EYS: variants seen among roughly 807,000 people sequenced by gnomAD.
EYS encodes EGF-like photoreceptor maintenance factor.
EYS carries 250 observed loss-of-function variants against 282.1 expected under a neutral mutation model. The ratio of observed to expected loss-of-function variants is 0.89; its 90% CI spans 0.80 to 0.98. The LOEUF is 0.98. Ranked by LOEUF, EYS falls within the 50% of genes least tolerant of loss-of-function variation. The pLI, the probability that EYS is intolerant of heterozygous loss-of-function variation, is 0.00. For missense variants in EYS, 4,016 were observed against 3,709.0 expected, an observed-to-expected ratio of 1.08 and a Z score of -2.15; for synonymous variants, 1,355 against 1,282.9, an observed-to-expected ratio of 1.06 and a Z score of -1.20.
At chr6:64,391,624 A>G (rs1773149696) in intron 28 of EYS, among the ~76,000 whole-genome samples, 1 of 152,168 alleles carries the variant, frequency 6.6e-6, no homozygotes, top group Non-Finnish European at 1.5e-5. Flanking sequence ...TCCTGAAGGA[A>G]GCGCTAAACA....
chr6:63,776,790 ACTTCATATG>A (rs1426236952), intron 40 of EYS, among the ~76,000 whole-genome samples: 2 of 152,064 alleles, frequency 1.3e-5, no homozygotes, highest in African/African-American at 4.8e-5. Flanking sequence ...TTCACCTTCA[ACTTCATATG>A]CTTTCCTATT....
intron 22 of EYS, among the ~76,000 whole-genome samples, chr6:64,652,074 C>G (rs1768583028): frequency 6.6e-6 from 1 of 152,148 alleles, no homozygotes; most frequent in Non-Finnish European, 1.5e-5. Context: ...AGCAATTTCC[C>G]TGCCAAGAAC....
intron 7 of EYS, among the ~76,000 whole-genome samples, chr6:65,394,659 T>A (rs949552349): frequency 1.3e-5 from 2 of 152,088 alleles, no homozygotes; most frequent in African/African-American, 2.4e-5. Context: ...TTAAAATTAA[T>A]CCCTTTTTAC....
chr6:64,458,463 G>A (rs936761655), intron 26 of EYS, among the ~76,000 whole-genome samples: 1 of 150,458 alleles, frequency 6.6e-6, no homozygotes, highest in Non-Finnish European at 1.5e-5. Context: ...TTAATAATTT[G>A]TTTTTTTTCT....
In EYS at chr6:63,762,456, C is replaced by A. The variant is rs1181124842; in HGVS notation, c.8071+5G>T. ...ACAGCAAAATGATTTGAAATTCTGC[C>A]TCACCTTGTTCACAGTAGATTCCAG... On this transcript the variant is annotated splice_donor_5th_base_variant and intron_variant, in intron 41 of 42. Coordinates refer to ENST00000503581, the MANE Select transcript of EYS (RefSeq NM_001142800.2). The A allele has an allele frequency of 1.9e-6, 3 of 1,548,542 alleles. No individual in the cohort carries two copies. The South Asian group carries it at 3.6e-5, about 19-fold the overall frequency.
chr6:63,720,929 A>G lies in EYS; in HGVS notation c.9102T>C (p.Tyr3034=), dbSNP rs1768357152. The G allele has an allele frequency of 1.3e-6, 2 of 1,551,076 alleles. No homozygotes were observed. Among genetic ancestry groups the G allele is most frequent in the Non-Finnish European group, 1.7e-6 (2 of 1,146,652 alleles). Residue 3034 remains tyrosine (Y), a synonymous_variant, in exon 43 of 43, where the codon TAT becomes TAC. Transcript: ENST00000503581. ...LGERISVPMS[Y]NNGTFCCNKW... ...TATTACAACAGAATGTGCCATTGTT[A>G]TAGCTCATAGGCACAGAGATTCTTT...
Position 65,042,475 on chromosome 6 carries a change from T to C in EYS, c.2137+15139A>G, listed in dbSNP as rs73765728. On this transcript the variant is annotated intron_variant, in intron 13 of 42. Transcript: ENST00000503581. ...TTTTATTTTGGTTAAATATTTTTAT[T>C]ATTTCATTGATATAGCCATCCCTTT... Among the ~76,000 whole-genome samples, 960 of 151,706 alleles carry C rather than the reference T, an allele frequency of 6.3e-3. 18 individuals are homozygous for C. Among genetic ancestry groups the C allele is most frequent in the African/African-American group, 0.021 (859 of 41,498 alleles).
intron 35 of EYS, among the ~76,000 whole-genome samples, chr6:63,975,493 T>TA (rs1766792350): frequency 6.6e-6 from 1 of 152,086 alleles, no homozygotes; most frequent in Non-Finnish European, 1.5e-5. Context: ...TGTGATGCGT[T>TA]ACTTTTTGTT....
intron 36 of EYS, among the ~76,000 whole-genome samples, chr6:63,838,821 C>G (rs949088354): frequency 7.2e-5 from 11 of 152,200 alleles, no homozygotes; most frequent in Admixed American, 7.2e-4. Flanking sequence ...TATCTAAATT[C>G]TAGATATTAT....
intron 18 of EYS, among the ~76,000 whole-genome samples, chr6:64,896,663 C>T (rs1387099382): frequency 1.3e-5 from 2 of 151,710 alleles, no homozygotes; most frequent in Non-Finnish European, 1.5e-5. Context: ...CTCAGCAGAT[C>T]CCACCCCCAC....
intron 12 of EYS, among the ~76,000 whole-genome samples, chr6:65,290,961 C>G (rs1460589822): frequency 6.6e-6 from 1 of 151,190 alleles, no homozygotes; most frequent in Non-Finnish European, 1.5e-5. Flanking sequence ...TTTACTCTCA[C>G]CATTAATATT....
chr6:63,756,739 T>C (rs1324758941), intron 41 of EYS, among the ~76,000 whole-genome samples: 11 of 152,168 alleles, frequency 7.2e-5, no homozygotes, highest in African/African-American at 2.7e-4. Flanking sequence ...TTCATTTTAA[T>C]ATGGACATCT....
At chr6:64,602,497 T>A (rs1582943240) in intron 24 of EYS, among the ~76,000 whole-genome samples, 1 of 152,218 alleles carries the variant, frequency 6.6e-6, no homozygotes, top group South Asian at 2.1e-4. Flanking sequence ...GTGAACAGTC[T>A]GTCTTGAAAC....
intron 19 of EYS, among the ~76,000 whole-genome samples, chr6:64,842,189 C>T (rs558902498): frequency 2.8e-4 from 42 of 151,452 alleles, no homozygotes; most frequent in Middle Eastern, 3.4e-3. Context: ...TTGTCAGGAG[C>T]GCAGAATTTA....
chr6:65,037,696 A>T (rs1242104612), intron 13 of EYS, among the ~76,000 whole-genome samples: 1 of 151,684 alleles, frequency 6.6e-6, no homozygotes, highest in African/African-American at 2.4e-5. Context: ...AGTTGTTAAG[A>T]TTTAAGGAGT....
At chr6:64,640,577 G>C (rs866301398) in intron 22 of EYS, among the ~76,000 whole-genome samples, 15 of 151,410 alleles carry the variant, frequency 9.9e-5, no homozygotes, top group South Asian at 6.3e-4. Context: ...TGTGGGGTGG[G>C]GGGAGTGGGG....
chr6:64,570,539 AG>A (rs1765692272), intron 26 of EYS, among the ~76,000 whole-genome samples: 1 of 152,170 alleles, frequency 6.6e-6, no homozygotes, highest in African/African-American at 2.4e-5. Flanking sequence ...TGCGGTATTC[AG>A]GAGAACTGTC....
At chr6:64,603,461 A>T (rs1766825461) in intron 24 of EYS, among the ~76,000 whole-genome samples, 1 of 152,026 alleles carries the variant, frequency 6.6e-6, no homozygotes, top group Non-Finnish European at 1.5e-5. Context: ...AGCACACAGA[A>T]CTTCGCCCTT....
At chr6:63,789,908 G>A (rs926581734) in intron 37 of EYS, among the ~76,000 whole-genome samples, 2 of 152,190 alleles carry the variant, frequency 1.3e-5, no homozygotes, top group African/African-American at 2.4e-5. Context: ...AGGGGAAGGT[G>A]CTAGCAGTAT....
Sources: gnomAD v4.1 joint callset for allele counts (sites outside exome capture counted in the v4.1 genomes callset) on GRCh38, gnomAD v4.1.1 for gene constraint, MANE v1.5 for transcripts, NCBI Gene and HGNC (gene_info 2026-07-23, HGNC 2026-07-21) for gene names.